ARL13A: variants seen among roughly 807,000 people sequenced by gnomAD.
ARL13A encodes the protein ARF like GTPase 13A.
In ARL13A, 16 loss-of-function variants were observed where a neutral mutation model predicts 19.1. The ratio of observed to expected loss-of-function variants is 0.84; its 90% confidence interval spans 0.57 to 1.27. ARL13A has a LOEUF of 1.27. ARL13A is among the 50% of genes most tolerant of loss of function. ARL13A has a pLI of 0.00. For synonymous variants in ARL13A, 69 were observed against 71.3 expected (o/e 0.97, Z 0.17); for missense variants, 153 against 186.4 (o/e 0.82, Z 1.04).
chrX:100,988,851 C>CATAT (rs55947893), intron 7 of ARL13A, among the ~76,000 whole-genome samples: 6,115 of 79,493 alleles, frequency 0.077, 239 homozygotes, highest in Admixed American at 0.11. Flanking sequence ...TAATATATCT[C>CATAT]ATATATATAT....
intron 3 of ARL13A, among the ~76,000 whole-genome samples, chrX:100,980,098 TGGCTATCCCTGA>T (rs923697071): frequency 1.8e-5 from 2 of 110,682 alleles, no homozygotes; most frequent in African/African-American, 6.6e-5. Context: ...AACTATTTCC[TGGCTATCCCTGA>T]TATTTATTCA....
At chrX:100,987,277 A>G in intron 5 of ARL13A, 113 bp from the exon 6 acceptor site, 1 of 756,630 alleles carries the variant, frequency 1.3e-6, no homozygotes, top group South Asian at 2.8e-5. Flanking sequence ...GAGCCTCTCT[A>G]GGCATAGCAG....
intron 3 of ARL13A, among the ~76,000 whole-genome samples, chrX:100,982,470 A>AAAAAAAAT (rs1486706036): frequency 6.6e-5 from 6 of 91,277 alleles, no homozygotes; most frequent in Non-Finnish European, 1.3e-4. Context: ...CCAGGCTTAA[A>AAAAAAAAT]AAATAAATAA....
At chrX:100,986,328 T>C (rs2085934927) in intron 4 of ARL13A, among the ~76,000 whole-genome samples, 1 of 111,443 alleles carries the variant, frequency 9.0e-6, no homozygotes, top group African/African-American at 3.3e-5. Flanking sequence ...TCTGATCAGA[T>C]TGCTCAAAAG....
In ARL13A at chrX:100,985,892, G is replaced by C. The variant is rs2085929061; in HGVS notation, c.356G>C (p.Arg119Thr). Residue 119 changes from arginine (R) to threonine (T), a missense_variant, in exon 4 of 8, where the codon AGA (arginine) becomes ACA (threonine). Physicochemically the swap from Arg to Thr is moderately conservative, Grantham distance 71. Coordinates refer to ENST00000450049, the MANE Select transcript of ARL13A (RefSeq NM_001162491.2). Reference protein sequence around the residue: ...IILTHLLSDKRVAGKPILILA... With the variant: ...IILTHLLSDKTVAGKPILILA... ...TTAACACATCTGCTGTCCGATAAAA[G>C]AGTGGCAGGGAAACCCATCTTAATG... The C allele has an allele frequency of 8.3e-7, 1 of 1,206,752 alleles. No individual in the cohort carries two copies. The highest frequency in any genetic ancestry group is 3.0e-5 in the East Asian group (1 of 33,749).
intron 3 of ARL13A, among the ~76,000 whole-genome samples, chrX:100,984,184 G>A (rs2085903711): frequency 1.8e-5 from 2 of 108,340 alleles, no homozygotes; most frequent in Non-Finnish European, 3.8e-5. Context: ...CGTAATCTCA[G>A]CTCACTGCAA....
rs746283510 is a variant in ARL13A at position 100,985,764 on chromosome X, G to A, written c.228G>A (p.Leu76=). Residue 76 remains leucine (L), a synonymous_variant, in exon 4 of 8, where the codon CTG becomes CTA. Transcript: ENST00000450049. ...ELSIYDLNGD[L]KGREAWPNYY... is the part of the protein sequence containing the mutation. The stretch of plus-strand genomic sequence containing the variant: ...CCATCTATGACCTGAATGGAGACCT[G>A]AAGGGCCGGGAAGCATGGCCAAACT... 8.3e-7 allele frequency: 1 copy of A among 1,211,366 alleles called. No individual in the cohort carries two copies. Among genetic ancestry groups the A allele is most frequent in the East Asian group, 3.0e-5 (1 of 33,831 alleles).
chrX:100,978,779 C>A (rs1046594241), intron 3 of ARL13A, among the ~76,000 whole-genome samples: 1 of 110,681 alleles, frequency 9.0e-6, no homozygotes, highest in African/African-American at 3.3e-5. Flanking sequence ...TCCTTCCTGT[C>A]TTCCTTTTTG....
At chrX:100,986,944 C>A in intron 5 of ARL13A, 43 bp downstream of exon 5, 1 of 950,443 alleles carries the variant, frequency 1.1e-6, no homozygotes, top group South Asian at 2.4e-5. Flanking sequence ...TGGAGCCCAG[C>A]TGATGCAGCC....
intron 3 of ARL13A, among the ~76,000 whole-genome samples, chrX:100,979,612 T>C (rs1181166144): frequency 8.9e-6 from 1 of 111,887 alleles, no homozygotes. Flanking sequence ...ACTGGTGCAT[T>C]ATTTAGCTCT....
At chrX:100,988,524 T>TC in intron 7 of ARL13A, 2 of 1,136,374 alleles carry the variant, frequency 1.8e-6, no homozygotes, top group Non-Finnish European at 2.3e-6. Flanking sequence ...GCTTATAGAC[T>TC]CCAGCTCCAT....
chrX:100,984,702 A>C (rs1410052848), intron 3 of ARL13A, among the ~76,000 whole-genome samples: 2 of 111,972 alleles, frequency 1.8e-5, no homozygotes, highest in African/African-American at 6.5e-5. Context: ...GAGACAAAGC[A>C]AGCACAAAAA....
chrX:100,990,634 C>T lies in ARL13A; in HGVS notation c.*46C>T. Reference sequence around the variant, plus strand: ...TGGCATCCATTGAGAATGAAGACCACCTTGGTAAAAAAGAACAGAGACTTT... The same window carrying T: ...TGGCATCCATTGAGAATGAAGACCATCTTGGTAAAAAAGAACAGAGACTTT... On this transcript the variant is annotated 3_prime_UTR_variant, in exon 8 of 8. Coordinates refer to ENST00000450049, the MANE Select transcript of ARL13A (RefSeq NM_001162491.2). 1 of 1,103,070 alleles carries T rather than the reference C, an allele frequency of 9.1e-7. No individual in the cohort carries two copies. Among genetic ancestry groups the T allele is most frequent in the African/African-American group, 1.8e-5 (1 of 54,963 alleles). 90.9% of individuals were successfully genotyped at this position (1,103,070 alleles called of 1,213,427 possible).
intron 3 of ARL13A, among the ~76,000 whole-genome samples, chrX:100,976,759 G>A (rs2085769150): frequency 1.8e-5 from 2 of 112,289 alleles, no homozygotes; most frequent in African/African-American, 6.5e-5. Flanking sequence ...TTACAGGCAT[G>A]TGCTAACTTT....
intron 3 of ARL13A, among the ~76,000 whole-genome samples, chrX:100,985,178 G>C (rs1311007051): frequency 8.9e-6 from 1 of 112,109 alleles, no homozygotes; most frequent in Non-Finnish European, 1.9e-5. Context: ...CCCAGGGCAA[G>C]AGAGAGCAAG....
At chrX:100,987,604 ATC>A in intron 6 of ARL13A, 48 bp downstream of exon 6, 1 of 1,180,080 alleles carries the variant, frequency 8.5e-7, no homozygotes, top group South Asian at 1.9e-5. Flanking sequence ...AGCTGCAGGG[ATC>A]AGTCTTTCTC....
chrX:100,987,600 A>C (rs1321294524), intron 6 of ARL13A, 44 bp downstream of exon 6: 1 of 1,183,437 alleles, frequency 8.4e-7, no homozygotes, highest in Admixed American at 2.2e-5. Flanking sequence ...GAAAAGCTGC[A>C]GGGATCAGTC....
In ARL13A at chrX:100,973,444, G is replaced by C. The variant is rs1319907841; in HGVS notation, c.-14-232G>C. On this transcript the variant is annotated intron_variant, in intron 1 of 7. Coordinates refer to ENST00000450049, the MANE Select transcript of ARL13A (RefSeq NM_001162491.2). ...CCCGGGCGGCGCTCGCCGGCGCGGCGGCAAAGACTGAGACAGCTCCGCTGC... is the reference window on the plus strand; with the variant it reads ...CCCGGGCGGCGCTCGCCGGCGCGGCCGCAAAGACTGAGACAGCTCCGCTGC... 6.5e-5 allele frequency among the ~76,000 whole-genome samples: 7 copies of C among 107,419 alleles called. No homozygotes were observed. The Admixed American group carries it at 6.9e-4, about 11-fold the overall frequency. 93.3% of individuals were successfully genotyped at this position (107,419 alleles called of 115,157 possible).
At chrX:100,987,210 TTA>T (rs1175497274) in intron 5 of ARL13A, among the ~76,000 whole-genome samples, 178 bp from the exon 6 acceptor site, 1 of 112,062 alleles carries the variant, frequency 8.9e-6, no homozygotes, top group Non-Finnish European at 1.9e-5. Flanking sequence ...ACCTCAGATT[TTA>T]TGTCTGTCAT....
Sources: allele counts gnomAD v4.1 joint callset (sites outside exome capture counted in the v4.1 genomes callset), GRCh38; gene constraint gnomAD v4.1.1; transcripts MANE v1.5; gene names NCBI Gene and HGNC (gene_info 2026-07-23, HGNC 2026-07-21).